The following ZNF124 variants were observed in gnomAD, a reference collection of about 807,000 sequenced individuals.
ZNF124 encodes the protein zinc finger protein HZF-16.
ZNF124 carries 25 observed loss-of-function variants against 26.6 expected under a neutral mutation model. The ratio of observed to expected loss-of-function variants is 0.94; its 90% CI spans 0.68 to 1.31. ZNF124 has a LOEUF of 1.31. ZNF124 is among the 40% of genes most tolerant of loss of function. The pLI, the probability that ZNF124 is intolerant of heterozygous loss-of-function variation, is 0.00. For synonymous variants in ZNF124, 129 were observed against 133.3 expected, an observed-to-expected ratio of 0.97 and a Z score of 0.22; for missense variants, 444 against 422.2, an observed-to-expected ratio of 1.05 and a Z score of -0.45.
chr1:247,137,023 G>A (rs886148858), intron 3 of ZNF124, among the ~76,000 whole-genome samples: 1 of 151,730 alleles, frequency 6.6e-6, no homozygotes, highest in Non-Finnish European at 1.5e-5. Context: ...GAACAAAGCT[G>A]GAGGCATCAT....
In ZNF124 at chr1:247,144,861, C is replaced by T. The variant is rs141772010; in HGVS notation, c.218+14145G>A. Among the ~76,000 whole-genome samples, 26 of 152,040 alleles carry T rather than the reference C, an allele frequency of 1.7e-4. No homozygotes were observed. In the East Asian group the frequency reaches 3.9e-3, roughly 23 times the overall value. On this transcript the variant is annotated intron_variant, in intron 3 of 3. Transcript: ENST00000472531. ...CCCGATCTCAGCTCAATGCAACCTC[C>T]GCCTCCCAGGTTCAAGCAATTCTCC...
intron 3 of ZNF124, among the ~76,000 whole-genome samples, chr1:247,158,703 C>T (rs1673297128): frequency 6.6e-6 from 1 of 152,022 alleles, no homozygotes; most frequent in South Asian, 2.1e-4. Context: ...AACCTCAGCT[C>T]ATTGCAACCT....
chr1:247,147,623 T>G (rs1672819546), intron 3 of ZNF124, among the ~76,000 whole-genome samples: 2 of 152,184 alleles, frequency 1.3e-5, no homozygotes, highest in Non-Finnish European at 2.9e-5. Flanking sequence ...CAGACACCTC[T>G]GTCTTTGCAG....
rs995081589 is a variant in ZNF124, at chr1:247,170,784, CAG to C, written c.30+1062_30+1063del. On this transcript the variant is annotated intron_variant, in intron 1 of 3. Coordinates refer to ENST00000543802, the MANE Select transcript of ZNF124 (RefSeq NM_001297568.2). ...GCAATCAGAACGGAACAGAACAGGACAGGGATTTTCACAGTGCTTTTCCATAC... is the reference window on the plus strand; with the variant it reads ...GCAATCAGAACGGAACAGAACAGGACGGATTTTCACAGTGCTTTTCCATAC... 1.2e-4 allele frequency among the ~76,000 whole-genome samples: 17 copies of C among 140,624 alleles called. 4 individuals are homozygous for C. Among genetic ancestry groups the C allele is most frequent in the African/African-American group, 5.0e-4 (17 of 33,880 alleles). The allele number at this position is 140,624 out of a possible 152,430, so 92.3% of individuals were successfully genotyped here.
chr1:247,151,244 T>C (rs191681451), downstream of ZNF124, among the ~76,000 whole-genome samples: 3,448 of 150,814 alleles, frequency 0.023, 63 homozygotes, highest in Non-Finnish European at 0.038. Context: ...CTTTGGGAGG[T>C]CGAGGCGGGC....
downstream of ZNF124, among the ~76,000 whole-genome samples, chr1:247,151,498 A>G (rs1240781758): frequency 6.7e-6 from 1 of 149,954 alleles, no homozygotes; most frequent in East Asian, 1.9e-4. Flanking sequence ...AAAAAAAACC[A>G]TGTGTTGGCA....
chr1:247,167,597 C>T (rs1349926053), intron 1 of ZNF124, among the ~76,000 whole-genome samples: 5 of 152,168 alleles, frequency 3.3e-5, no homozygotes, highest in Non-Finnish European at 4.4e-5. Context: ...AAAGTTACCA[C>T]ATACACTCAG....
intron 1 of ZNF124, among the ~76,000 whole-genome samples, chr1:247,165,130 C>T (rs1440829541): frequency 1.3e-5 from 2 of 152,144 alleles, no homozygotes; most frequent in African/African-American, 2.4e-5. Context: ...CCCCGCCCTG[C>T]TAATTTTTTG....
chr1:247,163,372 G>C (rs1237526397), intron 1 of ZNF124, among the ~76,000 whole-genome samples: 1 of 130,442 alleles, frequency 7.7e-6, no homozygotes, highest in African/African-American at 2.9e-5. Flanking sequence ...TTTGAAATAA[G>C]ATAGATTGCT....
At chr1:247,146,648 A>G (rs1672786092) in intron 3 of ZNF124, among the ~76,000 whole-genome samples, 1 of 152,144 alleles carries the variant, frequency 6.6e-6, no homozygotes, top group Non-Finnish European at 1.5e-5. Flanking sequence ...CAATGAAAAT[A>G]TGTCCACTTA....
chr1:247,162,815 G>A (rs962799860), intron 1 of ZNF124, among the ~76,000 whole-genome samples: 1 of 152,074 alleles, frequency 6.6e-6, no homozygotes, highest in African/African-American at 2.4e-5. Context: ...CACCTACAAA[G>A]AGACTTAACC....
At chr1:247,133,442 A>G (rs1490297913) in intron 3 of ZNF124, among the ~76,000 whole-genome samples, 2 of 152,072 alleles carry the variant, frequency 1.3e-5, no homozygotes, top group Non-Finnish European at 2.9e-5. Context: ...TACAGAGAAC[A>G]CCATTAAGAT....
chr1:247,141,162 CAG>C (rs898790171), intron 3 of ZNF124, among the ~76,000 whole-genome samples: 9 of 152,168 alleles, frequency 5.9e-5, no homozygotes, highest in African/African-American at 2.2e-4. Context: ...TGGTGACAAG[CAG>C]GGGGAGTGGG....
intron 3 of ZNF124, among the ~76,000 whole-genome samples, chr1:247,126,028 CTGA>C (rs1233090928): frequency 7.0e-6 from 1 of 142,372 alleles, no homozygotes; most frequent in Non-Finnish European, 1.5e-5. Context: ...CTTTGGGAGG[CTGA>C]GGTGGGCGGA....
chr1:247,124,423 A>G (rs932460031), intron 3 of ZNF124, among the ~76,000 whole-genome samples: 1 of 147,122 alleles, frequency 6.8e-6, no homozygotes, highest in Admixed American at 6.8e-5. Context: ...GGATGGTCTT[A>G]AACTCCTGAC....
chr1:247,156,864 A>G lies in ZNF124; in HGVS notation c.758T>C (p.Ile253Thr). ...GGGTTCTTCACCAGCATGAGCCTTT[A>G]TATGTCCTTGCAAGGAACTGAGACA... ...FSCLSSLQGH[I>T]KAHAGEEPYP... The change falls in exon 4 of 4, where the codon ATA becomes ACA. Residue 253 changes from isoleucine (I) to threonine (T), a missense_variant. Physicochemically the swap from Ile to Thr is moderately conservative, Grantham distance 89. Coordinates refer to ENST00000543802, the MANE Select transcript of ZNF124 (RefSeq NM_001297568.2). 1.9e-6 allele frequency: 3 copies of G among 1,613,358 alleles called. No individual in the cohort carries two copies. Among genetic ancestry groups the G allele is most frequent in the Non-Finnish European group, 2.5e-6 (3 of 1,179,838 alleles).
chr1:247,169,529 T>C (rs1231313268), intron 1 of ZNF124, among the ~76,000 whole-genome samples: 2 of 152,150 alleles, frequency 1.3e-5, no homozygotes, highest in Non-Finnish European at 2.9e-5. Flanking sequence ...TCTCTCCCAG[T>C]GTCCCCACTG....
In ZNF124 at chr1:247,156,824, T is replaced by G; in HGVS notation, c.798A>C (p.Gln266His). 1 of 1,614,116 alleles carries G rather than the reference T, an allele frequency of 6.2e-7. No homozygotes were observed. The highest frequency in any genetic ancestry group is 8.5e-7 in the Non-Finnish European group (1 of 1,180,000). ...TGGCGTATCTGAAGGCTTTCCCACA[T>G]TGCTTACATGGATAGGGTTCTTCAC... ...HAGEEPYPCK[Q>H]CGKAFRYASS... The change falls in exon 4 of 4, where the codon CAA becomes CAC. Residue 266 changes from glutamine to histidine, a missense_variant. Coordinates refer to ENST00000543802, the MANE Select transcript of ZNF124 (RefSeq NM_001297568.2).
chr1:247,137,365 C>T (rs1021501988), intron 3 of ZNF124, among the ~76,000 whole-genome samples: 3 of 147,104 alleles, frequency 2.0e-5, no homozygotes, highest in Non-Finnish European at 4.5e-5. Context: ...CTAGGGAGGC[C>T]AGGTGCAGTG....
Sources: gnomAD v4.1 joint callset for allele counts (sites outside exome capture counted in the v4.1 genomes callset) on GRCh38, gnomAD v4.1.1 for gene constraint, MANE v1.5 for transcripts, NCBI Gene and HGNC (gene_info 2026-07-23, HGNC 2026-07-21) for gene names.